The following SLC22A15 variants were observed in gnomAD, a reference collection of about 807,000 sequenced individuals.
SLC22A15 encodes the protein solute carrier family 22 member 15, also known as flipt 1.
A neutral mutation model predicts 62.7 loss-of-function variants in SLC22A15; 45 were observed. The observed-to-expected ratio is 0.72, with a 90% confidence interval of 0.56 to 0.92. SLC22A15 has a LOEUF of 0.92. Among genes scored for constraint, SLC22A15 ranks in the 40% least tolerant of loss-of-function variants. The pLI, the probability that SLC22A15 is intolerant of heterozygous loss-of-function variation, is 0.00. For missense variants in SLC22A15, 622 were observed against 665.6 expected (o/e 0.93, Z 0.72); for synonymous variants, 264 against 267.0 (o/e 0.99, Z 0.11).
chr1:116,057,504 C>T (rs1658245346), intron 8 of SLC22A15, among the ~76,000 whole-genome samples: 1 of 152,124 alleles, frequency 6.6e-6, no homozygotes, highest in Non-Finnish European at 1.5e-5. Context: ...TGTGGCGATT[C>T]CTCAGGGATC....
At chr1:116,066,803 T>A in intron 11 of SLC22A15, 95 bp downstream of exon 11, 1 of 1,270,138 alleles carries the variant, frequency 7.9e-7, no homozygotes, top group Non-Finnish European at 1.1e-6. Flanking sequence ...TGAGTAAAAC[T>A]GCTGGAAAAC....
At chr1:116,021,152 T>C (rs1412637522) in intron 4 of SLC22A15, among the ~76,000 whole-genome samples, 1 of 152,240 alleles carries the variant, frequency 6.6e-6, no homozygotes, top group Non-Finnish European at 1.5e-5. Context: ...GTGGAGACTA[T>C]TGATTTCCTC....
chr1:116,058,875 A>G (rs535914315), intron 8 of SLC22A15, among the ~76,000 whole-genome samples: 1 of 152,324 alleles, frequency 6.6e-6, no homozygotes, highest in South Asian at 2.1e-4. Context: ...GGAAAACCAA[A>G]CATCGTATGT....
At chr1:116,046,539 G>T (rs902168279) in intron 8 of SLC22A15, among the ~76,000 whole-genome samples, 1 of 152,178 alleles carries the variant, frequency 6.6e-6, no homozygotes, top group East Asian at 1.9e-4. Context: ...TCATCATGGC[G>T]GACAGAAAGC....
At chr1:116,051,577 G>T (rs983653870) in intron 8 of SLC22A15, among the ~76,000 whole-genome samples, 1 of 152,164 alleles carries the variant, frequency 6.6e-6, no homozygotes, top group Non-Finnish European at 1.5e-5. Flanking sequence ...ATGGATTAAG[G>T]ACTTAAATCT....
In SLC22A15 at chr1:115,992,103, G is replaced by T; in HGVS notation, c.160G>T (p.Glu54Ter). 6.2e-7 allele frequency: 1 copy of T among 1,613,988 alleles called. No homozygotes were observed. The highest frequency in any genetic ancestry group is 2.2e-5 in the East Asian group (1 of 44,890). Residue 54 changes from glutamate (E) to a stop codon, truncating the protein, a stop_gained, in exon 2 of 12, where the codon GAG becomes TAG. Coordinates refer to ENST00000369503, the MANE Select transcript of SLC22A15 (RefSeq NM_018420.3). LOFTEE classifies it high-confidence loss of function. ...ATPSYHWDLA[E>*]LLPNQSHGNQ... ...GCCATCCTACCACTGGGACCTGGCA[G>T]AGCTCCTGCCAAATCAGAGCCACGG...
intron 5 of SLC22A15, 71 bp downstream of exon 5, chr1:116,027,093 T>C (rs1657132200): frequency 1.4e-6 from 2 of 1,442,288 alleles, no homozygotes; most frequent in South Asian, 1.2e-5. Context: ...TGTGGGTCAA[T>C]GAGCAGCATT....
intron 2 of SLC22A15, among the ~76,000 whole-genome samples, chr1:116,014,695 A>T (rs1335388202): frequency 6.6e-6 from 1 of 152,198 alleles, no homozygotes; most frequent in East Asian, 1.9e-4. Flanking sequence ...CACCTTAATA[A>T]TCTCTACTCA....
Position 116,035,296 on chromosome 1 carries a change from C to T in SLC22A15, c.1054C>T (p.Pro352Ser). The change falls in exon 7 of 12, where the codon CCT becomes TCT. Residue 352 changes from proline to serine, a missense_variant. Physicochemically the swap from Pro to Ser is moderately conservative, Grantham distance 74. Coordinates refer to ENST00000369503, the MANE Select transcript of SLC22A15 (RefSeq NM_018420.3). Reference protein sequence around the residue: ...LSGLIEIPSYPLCIYLINQKW... With the variant: ...LSGLIEIPSYSLCIYLINQKW... ...TGGCCTCATAGAGATTCCATCTTAC[C>T]CTCTCTGTATCTACTTGATTAACCA... The T allele has an allele frequency of 6.2e-7, 1 of 1,612,998 alleles. No homozygotes were observed. Among genetic ancestry groups the T allele is most frequent in the Non-Finnish European group, 8.5e-7 (1 of 1,179,422 alleles).
intron 2 of SLC22A15, among the ~76,000 whole-genome samples, chr1:115,996,584 CTT>C (rs965322161): frequency 1.5e-5 from 2 of 136,522 alleles, no homozygotes; most frequent in Non-Finnish European, 1.6e-5. Flanking sequence ...ATTTCTTTTT[CTT>C]TTTTTTTTTT....
intron 1 of SLC22A15, among the ~76,000 whole-genome samples, chr1:115,987,275 C>T (rs1437125153): frequency 6.6e-6 from 1 of 151,502 alleles, no homozygotes; most frequent in Non-Finnish European, 1.5e-5. Flanking sequence ...ACGCCATTCT[C>T]CTGCCTCAGC....
At chr1:116,064,633 G>T (rs1281748) in intron 10 of SLC22A15, 125 bp downstream of exon 10, 698,973 of 702,110 alleles carry the variant, frequency 1, 347,999 homozygotes, top group East Asian at 1. Flanking sequence ...GTGAACCTTG[G>T]CCCTTTTAGA....
At chr1:115,990,973 G>A (rs1235453508) in intron 1 of SLC22A15, among the ~76,000 whole-genome samples, 1 of 152,114 alleles carries the variant, frequency 6.6e-6, no homozygotes, top group African/African-American at 2.4e-5. Context: ...GGCCAGGCTG[G>A]TCTCAAACTC....
chr1:116,037,282 T>A, intron 7 of SLC22A15, 21 bp from the exon 8 acceptor site: 1 of 1,597,406 alleles, frequency 6.3e-7, no homozygotes, highest in South Asian at 1.1e-5. Context: ...GAGAACTGTG[T>A]AATTTCTTTC....
At chr1:116,043,253 G>C (rs1019988840) in intron 8 of SLC22A15, among the ~76,000 whole-genome samples, 5 of 152,108 alleles carry the variant, frequency 3.3e-5, no homozygotes, top group Non-Finnish European at 4.4e-5. Flanking sequence ...GTGAAACCCT[G>C]TCTCTAATAA....
intron 8 of SLC22A15, among the ~76,000 whole-genome samples, chr1:116,046,146 C>CAACT (rs1316399631): frequency 6.6e-6 from 1 of 152,068 alleles, no homozygotes; most frequent in Non-Finnish European, 1.5e-5. Flanking sequence ...CTGTGTTGTA[C>CAACT]AACTACTAGA....
chr1:116,035,740 GA>G (rs1657609928), intron 7 of SLC22A15, among the ~76,000 whole-genome samples: 1 of 152,186 alleles, frequency 6.6e-6, no homozygotes, highest in African/African-American at 2.4e-5. Flanking sequence ...GAAGGAACTA[GA>G]AAGACTTTTC....
At chr1:116,038,642 C>T (rs1570760410) in intron 8 of SLC22A15, among the ~76,000 whole-genome samples, 1 of 152,380 alleles carries the variant, frequency 6.6e-6, no homozygotes, top group East Asian at 1.9e-4. Context: ...AACTCCCCAG[C>T]TATTGCCCTG....
At chr1:116,010,056 A>G (rs1446036116) in intron 2 of SLC22A15, among the ~76,000 whole-genome samples, 1 of 144,824 alleles carries the variant, frequency 6.9e-6, no homozygotes, top group Non-Finnish European at 1.5e-5. Flanking sequence ...TTAACTTGGT[A>G]TTTAATGCAA....
Sources: allele counts gnomAD v4.1 joint callset (sites outside exome capture counted in the v4.1 genomes callset), GRCh38; gene constraint gnomAD v4.1.1; transcripts MANE v1.5; gene names NCBI Gene and HGNC (gene_info 2026-07-23, HGNC 2026-07-21).